The following FXR2 variants were observed in gnomAD, a reference collection of about 807,000 sequenced individuals.
FXR2 encodes the protein RNA-binding protein FXR2.
FXR2 carries 9 observed loss-of-function variants against 87.3 expected under a neutral mutation model. That is an observed-to-expected ratio of 0.10 (90% CI 0.06 to 0.18). The LOEUF is 0.18. Among genes scored for constraint, FXR2 ranks in the 10% least tolerant of loss-of-function variants. The pLI is 1.00. For synonymous variants in FXR2, 331 were observed against 328.3 expected, an observed-to-expected ratio of 1.01 and a Z score of -0.09; for missense variants, 661 against 893.6, an observed-to-expected ratio of 0.74 and a Z score of 3.32.
At chr17:7,599,335 G>A (rs1351395984) in intron 7 of FXR2, among the ~76,000 whole-genome samples, 1 of 152,060 alleles carries the variant, frequency 6.6e-6, no homozygotes, top group Non-Finnish European at 1.5e-5. Context: ...AATAAAGTTT[G>A]TATCATCTGA....
intron 1 of FXR2, among the ~76,000 whole-genome samples, chr17:7,612,996 C>CAA (rs34323537): frequency 0.022 from 1,086 of 49,568 alleles, 109 homozygotes; most frequent in Non-Finnish European, 0.026. Context: ...GACTCCATCT[C>CAA]AAAAAAAAAA....
Position 7,594,380 on chromosome 17 carries a change from A to AT in FXR2, c.911-34dup, listed in dbSNP as rs761311101. On this transcript the variant is annotated intron_variant, in intron 9 of 16. Transcript: ENST00000250113. The surrounding 1 kb of genome is among the most constrained non-coding windows in gnomAD (Gnocchi z 5.1). Reference sequence around the variant, plus strand: ...AGGTAAATGAGGAATTCAGCCTTTTATTTTTTTTAAGGAAATAAGAATAAA... The same window carrying AT: ...AGGTAAATGAGGAATTCAGCCTTTTATTTTTTTTTAAGGAAATAAGAATAAA... 8.9e-5 allele frequency: 121 copies of AT among 1,356,012 alleles called. No homozygotes were observed. Among genetic ancestry groups the AT allele is most frequent in the Middle Eastern group, 1.8e-4 (1 of 5,582 alleles). The allele number at this position is 1,356,012 out of a possible 1,614,324, so 84.0% of individuals were successfully genotyped here.
rs912563362 is a variant in FXR2, at chr17:7,594,427, C to T, written c.911-80G>A. ...TAAAGCTGATACACCGTCTTCCAGC[C>T]TCATTTTCTTTATATGGATTCCATT... On this transcript the variant is annotated intron_variant, in intron 9 of 16. Transcript: ENST00000250113. This position sits in a 1 kb window ranked among gnomAD's most constrained non-coding sequence, Gnocchi z 5.1. The T allele has an allele frequency of 1.9e-5, 17 of 873,148 alleles. No individual in the cohort carries two copies. Among genetic ancestry groups the T allele is most frequent in the Middle Eastern group, 2.2e-4 (1 of 4,582 alleles). The allele number at this position is 873,148 out of a possible 1,614,324, so 54.1% of individuals were successfully genotyped here. A position where few individuals can be genotyped will look rare whatever the true frequency, so the allele number is the denominator to read the frequency against.
chr17:7,594,334 T>C lies in FXR2; in HGVS notation c.924A>G (p.Gly308=), dbSNP rs894571040. 2 of 1,609,566 alleles carry C rather than the reference T, an allele frequency of 1.2e-6. No individual in the cohort carries two copies. Among genetic ancestry groups the C allele is most frequent in the African/African-American group, 1.3e-5 (1 of 74,986 alleles). ...TCTCCTGGATCACTTTCCCGTTCTTTCCAATCACTTTGCCTGGAATAGGTA... is the reference window on the plus strand; with the variant it reads ...TCTCCTGGATCACTTTCCCGTTCTTCCCAATCACTTTGCCTGGAATAGGTA... ...VPRNLVGKVI[G]KNGKVIQEIV... is the part of the protein sequence containing the mutation. The change falls in exon 10 of 17, where the codon GGA becomes GGG. Residue 308 remains glycine, a synonymous_variant. Coordinates refer to ENST00000250113, the MANE Select transcript of FXR2 (RefSeq NM_004860.4). This position sits in a 1 kb window ranked among gnomAD's most constrained non-coding sequence, Gnocchi z 5.1.
In FXR2 at chr17:7,594,782, GT is replaced by G; in HGVS notation, c.832-26del. 1 of 1,481,846 alleles carries G rather than the reference GT, an allele frequency of 6.7e-7. No individual in the cohort carries two copies. Among genetic ancestry groups the G allele is most frequent in the Non-Finnish European group, 9.4e-7 (1 of 1,059,554 alleles). 91.8% of individuals were successfully genotyped at this position (1,481,846 alleles called of 1,614,324 possible). On this transcript the variant is annotated intron_variant, in intron 8 of 16. Coordinates refer to ENST00000250113, the MANE Select transcript of FXR2 (RefSeq NM_004860.4). This position sits in a 1 kb window ranked among gnomAD's most constrained non-coding sequence, Gnocchi z 5.1. ...TCTAAAGGAAGAACAGCAGGGAGTT[GT>G]TACTAAAACAGAAGACCAGCTGGAT...
At chr17:7,601,325 A>C in intron 7 of FXR2, 84 bp downstream of exon 7, 1 of 816,516 alleles carries the variant, frequency 1.2e-6, no homozygotes. Flanking sequence ...TTTGTTCTGT[A>C]AACACAAGAT....
intron 1 of FXR2, among the ~76,000 whole-genome samples, chr17:7,609,280 CACAA>C (rs1411533590): frequency 3.3e-5 from 5 of 152,200 alleles, no homozygotes; most frequent in African/African-American, 1.2e-4. Flanking sequence ...ACTAATCAAT[CACAA>C]ACACTTACCA....
intron 1 of FXR2, among the ~76,000 whole-genome samples, chr17:7,613,124 CAAAG>C (rs1422456557): frequency 1.3e-5 from 2 of 148,560 alleles, no homozygotes; most frequent in Non-Finnish European, 3.0e-5. Context: ...GAGAAGGAGT[CAAAG>C]AAAGACATTT....
Position 7,594,590 on chromosome 17 carries a change from G to T in FXR2, c.910+89C>A. 1.2e-6 allele frequency: 1 copy of T among 868,882 alleles called. No homozygotes were observed. The highest frequency in any genetic ancestry group is 2.0e-6 in the Non-Finnish European group (1 of 504,036). 53.8% of individuals were successfully genotyped at this position (868,882 alleles called of 1,614,324 possible). On this transcript the variant is annotated intron_variant, in intron 9 of 16. Coordinates refer to ENST00000250113, the MANE Select transcript of FXR2 (RefSeq NM_004860.4). This position sits in a 1 kb window ranked among gnomAD's most constrained non-coding sequence, Gnocchi z 5.1. ...GTCCTTGTGAAACTGGGAGTCCACA[G>T]GGAGGTGCCAATCCTGGATAAAAGC...
At chr17:7,607,853 T>C (rs1156575312) in intron 1 of FXR2, among the ~76,000 whole-genome samples, 2 of 152,316 alleles carry the variant, frequency 1.3e-5, no homozygotes, top group East Asian at 3.9e-4. Context: ...TGGAGTGCAA[T>C]GGTGCAACCT....
At chr17:7,608,519 G>A (rs1203090183) in intron 1 of FXR2, among the ~76,000 whole-genome samples, 4 of 151,078 alleles carry the variant, frequency 2.6e-5, no homozygotes, top group Admixed American at 6.6e-5. Flanking sequence ...CAGGGTGGCT[G>A]AGGCATGAAA....
At chr17:7,603,716 C>T (rs371607187) in intron 5 of FXR2, 41 bp downstream of exon 5, 2 of 1,599,260 alleles carry the variant, frequency 1.3e-6, no homozygotes, top group Non-Finnish European at 1.7e-6. Flanking sequence ...GAGATTAGGG[C>T]TGTAAAGAGG....
intron 1 of FXR2, among the ~76,000 whole-genome samples, chr17:7,607,400 A>G (rs2071811849): frequency 6.6e-6 from 1 of 152,070 alleles, no homozygotes; most frequent in Admixed American, 6.6e-5. Flanking sequence ...TTCTTCTTAA[A>G]CTTTTAGTTT....
chr17:7,610,029 TACATGTATGTATATATATACACAC>T lies in FXR2; in HGVS notation c.82-3904_82-3881del, dbSNP rs2071848086. Reference sequence around the variant, plus strand: ...ACATATATATATACATGTATATGTATACATGTATGTATATATATACACACACACACACACACATATATATAAATT... The same window carrying T: ...ACATATATATATACATGTATATGTATACACACACACACATATATATAAATT... On this transcript the variant is annotated intron_variant, in intron 1 of 16. Coordinates refer to ENST00000250113, the MANE Select transcript of FXR2 (RefSeq NM_004860.4). Among the ~76,000 whole-genome samples, 5 of 118,178 alleles carry T rather than the reference TACATGTATGTATATATATACACAC, an allele frequency of 4.2e-5. No individual in the cohort carries two copies. The South Asian group carries it at 1.2e-3, about 29-fold the overall frequency. 77.5% of individuals were successfully genotyped at this position (118,178 alleles called of 152,430 possible).
intron 6 of FXR2, among the ~76,000 whole-genome samples, chr17:7,602,095 A>G (rs547886747): frequency 6.6e-6 from 1 of 151,860 alleles, no homozygotes; most frequent in Non-Finnish European, 1.5e-5. Context: ...GAGGGTCTCT[A>G]ACCCAGATGG....
intron 1 of FXR2, chr17:7,613,850 A>T (rs1449271156): frequency 5.7e-6 from 2 of 348,530 alleles, no homozygotes; most frequent in African/African-American, 4.3e-5. Flanking sequence ...CTGGCTGGGA[A>T]GCAACTTGAC....
At position 7,610,015 on chromosome 17, in the gene FXR2, T is replaced by TAC. The variant is rs1567754079; in HGVS notation, c.82-3868_82-3867dup. Among the ~76,000 whole-genome samples the TAC allele has an allele frequency of 1.4e-4, 19 of 139,988 alleles. 1 individual carries two copies. The highest frequency in any genetic ancestry group is 7.8e-5 in the Non-Finnish European group (5 of 64,458). 91.8% of individuals were successfully genotyped at this position (139,988 alleles called of 152,430 possible). A position where few individuals can be genotyped will look rare whatever the true frequency, so the allele number is the denominator to read the frequency against. ...ACATGTATATGTATACATATATATATACATGTATATGTATACATGTATGTA... is the reference window on the plus strand; with the variant it reads ...ACATGTATATGTATACATATATATATACACATGTATATGTATACATGTATGTA... On this transcript the variant is annotated intron_variant, in intron 1 of 16. Transcript: ENST00000250113.
rs966072827 is a variant in FXR2, at chr17:7,614,519, G to A, written c.14C>T (p.Ala5Val). 9 of 1,498,296 alleles carry A rather than the reference G, an allele frequency of 6.0e-6. No homozygotes were observed. The highest frequency in any genetic ancestry group is 7.1e-6 in the Non-Finnish European group (8 of 1,126,338). The allele number at this position is 1,498,296 out of a possible 1,614,324, so 92.8% of individuals were successfully genotyped here. A position where few individuals can be genotyped will look rare whatever the true frequency, so the allele number is the denominator to read the frequency against. MGGL[A>V]SGGDVEPGLP... ...TCCCGGCTCCACATCCCCCCCAGAG[G>A]CCAGGCCGCCCATGGCGCCGCCACC... Residue 5 changes from alanine to valine, a missense_variant, in exon 1 of 17, where the codon GCC becomes GTC. Around this residue, in one of 3 missense-constraint regions of FXR2, gnomAD observed 170 missense variants for 247.2 expected, o/e 0.69. Coordinates refer to ENST00000250113, the MANE Select transcript of FXR2 (RefSeq NM_004860.4).
chr17:7,614,433 A>G lies in FXR2; in HGVS notation c.81+19T>C. 6.6e-7 allele frequency: 1 copy of G among 1,515,994 alleles called. No individual in the cohort carries two copies. 93.9% of individuals were successfully genotyped at this position (1,515,994 alleles called of 1,614,324 possible). Reference sequence around the variant, plus strand: ...GAGGGGGCTAAGGACCGGCGTCCCCAGTCGGCGCGCCGTCTCACCTTGTAG... The same window carrying G: ...GAGGGGGCTAAGGACCGGCGTCCCCGGTCGGCGCGCCGTCTCACCTTGTAG... On this transcript the variant is annotated intron_variant, in intron 1 of 16. Coordinates refer to ENST00000250113, the MANE Select transcript of FXR2 (RefSeq NM_004860.4).
Sources: allele counts gnomAD v4.1 joint callset (sites outside exome capture counted in the v4.1 genomes callset), GRCh38; gene constraint gnomAD v4.1.1; regional missense constraint gnomAD v4.1.1; non-coding constraint Gnocchi (gnomAD v3.1); transcripts MANE v1.5; gene names NCBI Gene and HGNC (gene_info 2026-07-23, HGNC 2026-07-21).